The following SERPINB12 variants were observed in gnomAD, a reference collection of about 807,000 sequenced individuals.
SERPINB12 encodes the protein serpin family B member 12, also known as serpin B12.
Under a neutral mutation model 41.1 loss-of-function variants are expected in SERPINB12, and 57 were observed. That is an observed-to-expected ratio of 1.39 (90% confidence interval 1.12 to 1.73). The LOEUF (loss-of-function observed/expected upper bound fraction) is 1.73, where lower values mean the gene tolerates loss of function less well. Ranked by LOEUF, SERPINB12 falls within the 40% of genes most tolerant of loss-of-function variation. The pLI, the probability that SERPINB12 is intolerant of heterozygous loss-of-function variation, is 0.00. For synonymous variants in SERPINB12, 180 were observed against 181.3 expected (o/e 0.99, Z 0.06); for missense variants, 536 against 501.9 (o/e 1.07, Z -0.65).
At chr18:63,555,593 G>A (rs887657883) in intron 1 of SERPINB12, among the ~76,000 whole-genome samples, 1 of 152,144 alleles carries the variant, frequency 6.6e-6, no homozygotes, top group Non-Finnish European at 1.5e-5. Flanking sequence ...TTAAGATGAG[G>A]TTGTACTGGC....
chr18:63,529,432 T>C, the SERPINB12 span, among the ~76,000 whole-genome samples: 6 of 152,192 alleles, frequency 3.9e-5, no homozygotes, highest in African/African-American at 1.4e-4. Flanking sequence ...CAGGCATATG[T>C]GTGTGAGAAC....
chr18:63,568,287 G>A lies in SERPINB12; in HGVS notation c.*1276G>A, dbSNP rs559245067. Among the ~76,000 whole-genome samples the A allele has an allele frequency of 6.6e-6, 1 of 152,228 alleles. No individual in the cohort carries two copies. The highest frequency in any genetic ancestry group is 2.1e-4 in the South Asian group (1 of 4,820). ...TCCCAGCTACTCGGGAGGCTGAGGT[G>A]GGAAGATCACTTGAACCCAGGGGAT... On this transcript the variant is annotated 3_prime_UTR_variant, in exon 8 of 8. Coordinates refer to ENST00000382768, the MANE Select transcript of SERPINB12 (RefSeq NM_001307928.2).
In SERPINB12 at chr18:63,547,358, AT is replaced by A. The variant is rs200260064; in HGVS notation, c.-19+4878del. Among the ~76,000 whole-genome samples the A allele has an allele frequency of 9.2e-3, 1,343 of 146,254 alleles. 17 individuals carry two copies. The highest frequency in any genetic ancestry group is 0.03 in the African/African-American group (1,201 of 40,192). On this transcript the variant is annotated intron_variant, in intron 1 of 7. Coordinates refer to ENST00000382768, the MANE Select transcript of SERPINB12 (RefSeq NM_001307928.2). ...CTATATTTTAAACAATGTGAGTTAG[AT>A]TTTTTTTTTTTGCACCATAAGTTGG...
chr18:63,541,401 T>C (rs1376415535), upstream of SERPINB12, among the ~76,000 whole-genome samples: 1 of 152,182 alleles, frequency 6.6e-6, no homozygotes, highest in Non-Finnish European at 1.5e-5. Flanking sequence ...TTGTAGATTT[T>C]GAGTGTACTG....
intron 3 of SERPINB12, among the ~76,000 whole-genome samples, chr18:63,559,044 T>C (rs1336273162): frequency 1.1e-5 from 1 of 91,250 alleles, no homozygotes; most frequent in African/African-American, 3.1e-5. Flanking sequence ...CTTTCTTTCT[T>C]TCTTTCTTTC....
At chr18:63,553,260 CTG>C (rs1178915664) in intron 1 of SERPINB12, among the ~76,000 whole-genome samples, 2 of 152,188 alleles carry the variant, frequency 1.3e-5, no homozygotes, top group African/African-American at 2.4e-5. Flanking sequence ...ATGTGAAAAA[CTG>C]TGTGATCTAG....
upstream of SERPINB12, among the ~76,000 whole-genome samples, chr18:63,539,514 G>T (rs1229822491): frequency 6.6e-6 from 1 of 151,986 alleles, no homozygotes; most frequent in Admixed American, 6.6e-5. Context: ...TTGTTTCTTG[G>T]GTCTCGGTCA....
chr18:63,542,032 G>A (rs1208568823), upstream of SERPINB12, among the ~76,000 whole-genome samples: 1 of 152,090 alleles, frequency 6.6e-6, no homozygotes, highest in Non-Finnish European at 1.5e-5. Context: ...ATTCCGCTTG[G>A]GTTTTGTGTA....
At chr18:63,548,521 A>G (rs921872995) in intron 1 of SERPINB12, among the ~76,000 whole-genome samples, 5 of 152,074 alleles carry the variant, frequency 3.3e-5, no homozygotes, top group Non-Finnish European at 7.4e-5. Flanking sequence ...TAATAACAAT[A>G]AAGAAAATAA....
At position 63,542,476 on chromosome 18, in the gene SERPINB12, C is replaced by T. The variant is rs1910292358; in HGVS notation, c.-35C>T. ...GAGCACAGACCTTAGCTGGGGACAG[C>T]CCTCACTGGCTTCCAGGTATGTGCT... On this transcript the variant is annotated 5_prime_UTR_variant, in exon 1 of 8. Coordinates refer to ENST00000382768, the MANE Select transcript of SERPINB12 (RefSeq NM_001307928.2). Among the ~76,000 whole-genome samples, 1 of 152,160 alleles carries T rather than the reference C, an allele frequency of 6.6e-6. No individual in the cohort carries two copies. The highest frequency in any genetic ancestry group is 2.4e-5 in the African/African-American group (1 of 41,444).
intron 1 of SERPINB12, among the ~76,000 whole-genome samples, chr18:63,548,739 A>G (rs1205373761): frequency 6.6e-6 from 1 of 152,012 alleles, no homozygotes; most frequent in Non-Finnish European, 1.5e-5. Flanking sequence ...GCAAGTATCA[A>G]TGCCATGTAA....
rs1338490763 is a variant in SERPINB12 at position 63,568,019 on chromosome 18, C to G, written c.*1008C>G. On this transcript the variant is annotated 3_prime_UTR_variant, in exon 8 of 8. Transcript: ENST00000382768. The stretch of plus-strand genomic sequence containing the variant: ...CTTCTGGCCACGTGGACTTTTGTGT[C>G]TTCCGAGAGGTCTCATGCCAGACCA... Among the ~76,000 whole-genome samples, 1 of 152,194 alleles carries G rather than the reference C, an allele frequency of 6.6e-6. No individual in the cohort carries two copies. Among genetic ancestry groups the G allele is most frequent in the East Asian group, 1.9e-4 (1 of 5,182 alleles).
At position 63,567,885 on chromosome 18, in the gene SERPINB12, C is replaced by T. The variant is rs1382607028; in HGVS notation, c.*874C>T. 2.0e-5 allele frequency among the ~76,000 whole-genome samples: 3 copies of T among 152,198 alleles called. No individual in the cohort carries two copies. Among genetic ancestry groups the T allele is most frequent in the Non-Finnish European group, 2.9e-5 (2 of 68,040 alleles). The stretch of plus-strand genomic sequence containing the variant: ...GCTGGCATTGTGGACGGCTGGCCTC[C>T]GTATGCCCCTCTCTCTGCCTTCTGG... On this transcript the variant is annotated 3_prime_UTR_variant, in exon 8 of 8. Transcript: ENST00000382768.
At chr18:63,565,927 G>T (rs2144354962) in intron 7 of SERPINB12, among the ~76,000 whole-genome samples, 1 of 152,216 alleles carries the variant, frequency 6.6e-6, no homozygotes, top group East Asian at 1.9e-4. Context: ...TGAATATTCT[G>T]ACTTCTGGCC....
chr18:63,565,388 T>C, intron 6 of SERPINB12, 57 bp from the exon 7 acceptor site: 3 of 1,516,726 alleles, frequency 2.0e-6, no homozygotes, highest in Non-Finnish European at 2.7e-6. Flanking sequence ...GCTGGGGCCA[T>C]ATGAATTTGG....
At chr18:63,528,672 C>T in the SERPINB12 span, among the ~76,000 whole-genome samples, 6 of 152,140 alleles carry the variant, frequency 3.9e-5, no homozygotes, top group Admixed American at 3.9e-4. Context: ...ACCAGGCAAG[C>T]AGACCAAACA....
Position 63,554,471 on chromosome 18 carries a change from A to G in SERPINB12, c.-18-1671A>G, listed in dbSNP as rs554989119. On this transcript the variant is annotated intron_variant, in intron 1 of 7. Coordinates refer to ENST00000382768, the MANE Select transcript of SERPINB12 (RefSeq NM_001307928.2). ...GTGTTAAAACAAATTACACCATTCC[A>G]TTCAATGCAGCAATATTTCTTCATG... 5.3e-5 allele frequency among the ~76,000 whole-genome samples: 8 copies of G among 152,350 alleles called. No individual in the cohort carries two copies. The South Asian group carries it at 1.7e-3, about 32-fold the overall frequency.
At chr18:63,525,868 A>G in the SERPINB12 span, among the ~76,000 whole-genome samples, 1 of 152,200 alleles carries the variant, frequency 6.6e-6, no homozygotes, top group Non-Finnish European at 1.5e-5. Context: ...CCAATAATTC[A>G]GAAGGTACAG....
At chr18:63,532,960 G>C in the SERPINB12 span, among the ~76,000 whole-genome samples, 59 of 152,134 alleles carry the variant, frequency 3.9e-4, no homozygotes, top group Admixed American at 1.4e-3. Flanking sequence ...TTGGTACCTA[G>C]TAAGTACTCC....
Sources: allele counts gnomAD v4.1 joint callset (sites outside exome capture counted in the v4.1 genomes callset), GRCh38; gene constraint gnomAD v4.1.1; transcripts MANE v1.5; gene names NCBI Gene and HGNC (gene_info 2026-07-23, HGNC 2026-07-21).